CALN1: variants seen among roughly 807,000 people sequenced by gnomAD.
CALN1 encodes the protein calcium-binding protein 8.
A neutral mutation model predicts 30.6 loss-of-function variants in CALN1; 17 were observed. The ratio of observed to expected loss-of-function variants is 0.56; its 90% CI spans 0.38 to 0.83. CALN1 has a LOEUF of 0.83. Ranked by LOEUF, CALN1 falls within the 40% of genes least tolerant of loss-of-function variation. CALN1 has a pLI of 0.00. For synonymous variants in CALN1, 156 were observed against 131.4 expected, an observed-to-expected ratio of 1.19 and a Z score of -1.28; for missense variants, 291 against 354.9, an observed-to-expected ratio of 0.82 and a Z score of 1.45.
At chr7:71,886,570 C>T (rs907631496) in intron 5 of CALN1, among the ~76,000 whole-genome samples, 2 of 152,024 alleles carry the variant, frequency 1.3e-5, no homozygotes, top group African/African-American at 2.4e-5. Context: ...GTCAGGAGTT[C>T]GAGACCAGCC....
the CALN1 span, among the ~76,000 whole-genome samples, chr7:72,484,052 T>C: frequency 6.6e-6 from 1 of 152,206 alleles, no homozygotes; most frequent in South Asian, 2.1e-4. Context: ...TTTGAACATA[T>C]GTAATACAAT....
intron 3 of CALN1, among the ~76,000 whole-genome samples, chr7:72,230,510 G>GAA (rs542117678): frequency 0.013 from 1,671 of 131,594 alleles, 28 homozygotes; most frequent in African/African-American, 0.044. Flanking sequence ...CCTGTCTTGA[G>GAA]AAAAAAAAAA....
At chr7:72,171,708 C>T (rs1585087632) in intron 3 of CALN1, among the ~76,000 whole-genome samples, 1 of 152,064 alleles carries the variant, frequency 6.6e-6, no homozygotes, top group African/African-American at 2.4e-5. Flanking sequence ...AGGTCCTGTT[C>T]ATTTATTTTT....
chr7:72,143,348 T>C (rs1392038641), intron 3 of CALN1, among the ~76,000 whole-genome samples: 1 of 152,148 alleles, frequency 6.6e-6, no homozygotes, highest in Non-Finnish European at 1.5e-5. Context: ...CAGTAGCCGA[T>C]TCGATCAACG....
chr7:72,031,717 G>T (rs1409483170), intron 4 of CALN1, among the ~76,000 whole-genome samples: 1 of 149,116 alleles, frequency 6.7e-6, no homozygotes, highest in East Asian at 2.0e-4. Flanking sequence ...ACAGTTATGT[G>T]CCACCACGCC....
At chr7:71,974,846 A>G (rs1016080453) in intron 5 of CALN1, among the ~76,000 whole-genome samples, 2 of 152,148 alleles carry the variant, frequency 1.3e-5, no homozygotes, top group Non-Finnish European at 2.9e-5. Context: ...GACTGGTGCA[A>G]TTCCGCTCGG....
rs187442042 is a variant in CALN1 at position 71,947,072 on chromosome 7, G to A, written c.501+76585C>T. 1.1e-4 allele frequency among the ~76,000 whole-genome samples: 17 copies of A among 152,192 alleles called. No individual in the cohort carries two copies. In the East Asian group the frequency reaches 3.1e-3, roughly 28 times the overall value. ...GCCACCTAGGCTGGAGTGAAGTGGC[G>A]TGATTTCGGCTCAATGCAACCTCTG... On this transcript the variant is annotated intron_variant, in intron 5 of 6. Transcript: ENST00000395275.
intron 5 of CALN1, among the ~76,000 whole-genome samples, chr7:71,930,134 A>T (rs776414824): frequency 2.6e-5 from 4 of 152,186 alleles, no homozygotes; most frequent in Non-Finnish European, 5.9e-5. Flanking sequence ...AAATCTGTAC[A>T]TGTTTTGGAC....
chr7:71,877,692 C>A lies in CALN1; in HGVS notation c.502-67200G>T, dbSNP rs1584427819. On this transcript the variant is annotated intron_variant, in intron 5 of 6. Coordinates refer to ENST00000395275, the MANE Select transcript of CALN1 (RefSeq NM_031468.4). ...CATTTTGTATTCTCAGATATAAACA[C>A]TTAATGTCACAAAAATGCCAGTTAT... is the stretch of plus-strand genomic sequence containing the variant. Among the ~76,000 whole-genome samples, 5 of 120,208 alleles carry A rather than the reference C, an allele frequency of 4.2e-5. No individual in the cohort carries two copies. In the South Asian group the frequency reaches 1.2e-3, roughly 30 times the overall value. 78.9% of individuals were successfully genotyped at this position (120,208 alleles called of 152,430 possible).
chr7:71,821,777 AATGT>A (rs1788604119), intron 5 of CALN1, among the ~76,000 whole-genome samples: 2 of 149,818 alleles, frequency 1.3e-5, no homozygotes, highest in Admixed American at 1.3e-4. Context: ...AATTCTGCTA[AATGT>A]TTCTTTCTTT....
intron 4 of CALN1, among the ~76,000 whole-genome samples, chr7:72,060,047 A>C (rs1472860852): frequency 2.6e-5 from 4 of 152,188 alleles, no homozygotes; most frequent in Admixed American, 2.6e-4. Flanking sequence ...ATGCAATGCT[A>C]AAGACCCCGG....
At chr7:72,312,767 T>C (rs1380598142) in intron 2 of CALN1, among the ~76,000 whole-genome samples, 2 of 152,040 alleles carry the variant, frequency 1.3e-5, no homozygotes, top group African/African-American at 4.8e-5. Flanking sequence ...ATCATGCTTA[T>C]TTTCCTATTG....
chr7:71,824,438 G>A (rs565551161), intron 5 of CALN1, among the ~76,000 whole-genome samples: 36 of 152,086 alleles, frequency 2.4e-4, no homozygotes, highest in African/African-American at 7.2e-4. Context: ...GAACCTCAGG[G>A]GTGCCTGAGT....
the CALN1 span, among the ~76,000 whole-genome samples, chr7:72,465,736 A>G: frequency 3.9e-5 from 6 of 152,220 alleles, no homozygotes; most frequent in Admixed American, 2.6e-4. Flanking sequence ...GGAGATTAAC[A>G]CTTGCAGTAT....
chr7:72,255,404 CTTTTTTT>C, intron 3 of CALN1, among the ~76,000 whole-genome samples: 2 of 139,450 alleles, frequency 1.4e-5, no homozygotes, highest in Middle Eastern at 4.5e-3. Context: ...CTTTTCTTTT[CTTTTTTT>C]ATTATTATTG....
chr7:72,225,429 C>T (rs1168796196), intron 3 of CALN1, among the ~76,000 whole-genome samples: 5 of 152,022 alleles, frequency 3.3e-5, no homozygotes, highest in African/African-American at 9.7e-5. Context: ...CAAAAAGGGC[C>T]ACTTACAAAG....
At chr7:71,844,213 G>A (rs1790107452) in intron 5 of CALN1, among the ~76,000 whole-genome samples, 2 of 152,050 alleles carry the variant, frequency 1.3e-5, no homozygotes, top group Admixed American at 6.6e-5. Context: ...TTATGATGGT[G>A]ATCTATGTCA....
intron 3 of CALN1, among the ~76,000 whole-genome samples, chr7:72,162,305 T>C (rs922559680): frequency 6.6e-6 from 1 of 152,082 alleles, no homozygotes; most frequent in African/African-American, 2.4e-5. Context: ...GTAGCTCTTA[T>C]CAGACTAACC....
intron 3 of CALN1, among the ~76,000 whole-genome samples, chr7:72,124,997 A>G (rs367703679): frequency 6.8e-4 from 103 of 152,222 alleles, no homozygotes; most frequent in African/African-American, 2.2e-3. Context: ...GTTCAAGTGA[A>G]TATCACCATA....
Sources: gnomAD v4.1 joint callset for allele counts (sites outside exome capture counted in the v4.1 genomes callset) on GRCh38, gnomAD v4.1.1 for gene constraint, MANE v1.5 for transcripts, NCBI Gene and HGNC (gene_info 2026-07-23, HGNC 2026-07-21) for gene names.